Variants in METTL4 observed in about 807,000 individuals in gnomAD.
METTL4 encodes the protein N(6)-adenine-specific methyltransferase METTL4.
Under a neutral mutation model 54.0 loss-of-function variants are expected in METTL4, and 40 were observed. The ratio of observed to expected loss-of-function variants is 0.74; its 90% CI spans 0.58 to 0.96. The LOEUF is 0.96. Among genes scored for constraint, METTL4 ranks in the 50% least tolerant of loss-of-function variants. METTL4 has a pLI of 0.00. For synonymous variants in METTL4, 169 were observed against 183.8 expected, an observed-to-expected ratio of 0.92 and a Z score of 0.65; for missense variants, 525 against 549.0, an observed-to-expected ratio of 0.96 and a Z score of 0.44.
rs930300180 is a variant in METTL4 at position 2,571,345 on chromosome 18, C to T, written c.-635G>A. On this transcript the variant is annotated 5_prime_UTR_variant, in exon 1 of 9. In the 5' UTR this introduces an upstream ATG that the reference lacks. Coordinates refer to ENST00000574538, the MANE Select transcript of METTL4 (RefSeq NM_022840.5). ...CAGGGCGAGTTGAGCGTTCAGGGCA[C>T]TCCTCGGCGCTCAAGCTGCCCACAG... is the stretch of plus-strand genomic sequence containing the variant. 1 of 152,288 alleles carries T rather than the reference C, an allele frequency of 6.6e-6. No individual in the cohort carries two copies. Among genetic ancestry groups the T allele is most frequent in the Non-Finnish European group, 1.5e-5 (1 of 68,082 alleles). 9.4% of individuals were successfully genotyped at this position (152,288 alleles called of 1,614,324 possible).
At chr18:2,544,339 A>T in intron 7 of METTL4, 53 bp from the exon 8 acceptor site, 1 of 1,279,908 alleles carries the variant, frequency 7.8e-7, no homozygotes, top group South Asian at 1.3e-5. Flanking sequence ...AATTTTCTAT[A>T]CATAAGCCAC....
intron 8 of METTL4, among the ~76,000 whole-genome samples, 187 bp downstream of exon 8, chr18:2,544,008 C>T (rs1191424680): frequency 6.6e-6 from 1 of 152,204 alleles, no homozygotes; most frequent in East Asian, 1.9e-4. Flanking sequence ...TAACATAAAA[C>T]TAATCTATTC....
intron 4 of METTL4, chr18:2,553,240 C>G (rs2072189417): frequency 6.6e-6 from 1 of 152,320 alleles, no homozygotes; most frequent in Non-Finnish European, 1.5e-5. Context: ...ATTTAGCTGC[C>G]ATCCCTCCTA....
chr18:2,562,716 T>C (rs975467588), intron 3 of METTL4, among the ~76,000 whole-genome samples: 11 of 150,468 alleles, frequency 7.3e-5, no homozygotes, highest in Non-Finnish European at 1.3e-4. Context: ...ATATCTACCA[T>C]AGGCAAATTC....
chr18:2,566,078 T>G (rs1329627972), intron 2 of METTL4, among the ~76,000 whole-genome samples: 1 of 147,736 alleles, frequency 6.8e-6, no homozygotes, highest in Non-Finnish European at 1.5e-5. Context: ...AATAAATAAA[T>G]AAATAAATAA....
chr18:2,551,171 A>T (rs1392133630), intron 5 of METTL4, among the ~76,000 whole-genome samples: 2 of 151,044 alleles, frequency 1.3e-5, no homozygotes, highest in East Asian at 1.9e-4. Flanking sequence ...CTCAAAAAAA[A>T]AAAAAAAAAA....
rs554768744 is a variant in METTL4, at chr18:2,555,727, T to A, written c.460-689A>T. Among the ~76,000 whole-genome samples, 13 of 152,258 alleles carry A rather than the reference T, an allele frequency of 8.5e-5. No homozygotes were observed. In the South Asian group the frequency reaches 1.2e-3, roughly 15 times the overall value. Reference sequence around the variant, plus strand: ...ACCCAAGTTCCCCTTCTGGACAAGATGGAGTATCATGGATCAGATTTACCC... The same window carrying A: ...ACCCAAGTTCCCCTTCTGGACAAGAAGGAGTATCATGGATCAGATTTACCC... On this transcript the variant is annotated intron_variant, in intron 3 of 8. Coordinates refer to ENST00000574538, the MANE Select transcript of METTL4 (RefSeq NM_022840.5).
chr18:2,545,778 G>A (rs147236787), intron 6 of METTL4, among the ~76,000 whole-genome samples: 65 of 152,050 alleles, frequency 4.3e-4, no homozygotes, highest in African/African-American at 1.4e-3. Flanking sequence ...ATACTGGCAC[G>A]TTGGGTAGTT....
chr18:2,549,978 C>T (rs2072130297), intron 5 of METTL4, among the ~76,000 whole-genome samples: 1 of 151,460 alleles, frequency 6.6e-6, no homozygotes, highest in African/African-American at 2.4e-5. Context: ...TGGGCGACAA[C>T]AGCGAAACTC....
chr18:2,539,329 T>C (rs988562807), intron 8 of METTL4, among the ~76,000 whole-genome samples, 184 bp from the exon 9 acceptor site: 7 of 152,154 alleles, frequency 4.6e-5, no homozygotes, highest in African/African-American at 1.7e-4. Flanking sequence ...ATAAGTACCC[T>C]TGAGACTGGG....
At chr18:2,540,223 T>A in intron 8 of METTL4, 1 of 985,034 alleles carries the variant, frequency 1.0e-6, no homozygotes, top group Non-Finnish European at 1.2e-6. Flanking sequence ...GGATGACAAA[T>A]ACTTAAATCA....
At chr18:2,566,429 A>T (rs879817946) in intron 2 of METTL4, among the ~76,000 whole-genome samples, 62 of 152,330 alleles carry the variant, frequency 4.1e-4, no homozygotes, top group Middle Eastern at 3.4e-3. Flanking sequence ...ACTGCTTAGA[A>T]ATTTTGTAGA....
intron 8 of METTL4, among the ~76,000 whole-genome samples, chr18:2,541,762 GGT>G (rs770206627): frequency 4.0e-5 from 6 of 151,048 alleles, no homozygotes; most frequent in Non-Finnish European, 8.8e-5. Context: ...AAAAAATCAG[GGT>G]GTTTCTAAAT....
At chr18:2,565,113 A>G (rs755315650) in intron 2 of METTL4, among the ~76,000 whole-genome samples, 8 of 152,150 alleles carry the variant, frequency 5.3e-5, no homozygotes, top group Non-Finnish European at 8.8e-5. Flanking sequence ...CAAGGTGTCT[A>G]CTAAAAATAC....
chr18:2,568,884 T>C (rs1258234071), intron 1 of METTL4: 2 of 223,180 alleles, frequency 9.0e-6, no homozygotes, highest in Non-Finnish European at 1.9e-5. Flanking sequence ...AAACTGAATA[T>C]ACAGCTTTAA....
chr18:2,561,660 C>G (rs1474582995), intron 3 of METTL4: 1 of 152,274 alleles, frequency 6.6e-6, no homozygotes, highest in South Asian at 2.1e-4. Flanking sequence ...ATAGTCAAAC[C>G]TCTAAATCTG....
intron 1 of METTL4, among the ~76,000 whole-genome samples, chr18:2,569,586 G>T (rs1051147805): frequency 6.6e-6 from 1 of 151,196 alleles, no homozygotes; most frequent in Non-Finnish European, 1.5e-5. Flanking sequence ...CTGAGTGTGT[G>T]GGCACTCAGT....
rs920208419 is a variant in METTL4, at chr18:2,547,541, C to T, written c.900-12G>A. The T allele has an allele frequency of 1.2e-5, 19 of 1,544,852 alleles. No homozygotes were observed. Among genetic ancestry groups the T allele is most frequent in the South Asian group, 2.4e-5 (2 of 81,670 alleles). On this transcript the variant is annotated splice_polypyrimidine_tract_variant and intron_variant, in intron 5 of 8. Transcript: ENST00000574538. ...ACAAATAACTGTACCTAAAAATAAA[C>T]GGAAAAAAGGATGAGCAAAATTCAC...
At position 2,554,655 on chromosome 18, in the gene METTL4, C is replaced by T. The variant is rs2072210012; in HGVS notation, c.829+14G>A. The T allele has an allele frequency of 5.1e-6, 8 of 1,581,492 alleles. No individual in the cohort carries two copies. The highest frequency in any genetic ancestry group is 2.1e-4 in the Middle Eastern group (1 of 4,780). On this transcript the variant is annotated intron_variant, in intron 4 of 8. Coordinates refer to ENST00000574538, the MANE Select transcript of METTL4 (RefSeq NM_022840.5). Reference sequence around the variant, plus strand: ...AATTATCTTTTTCTAATAACAAACACAATAATTACTTACAGTTTAGAAGTG... The same window carrying T: ...AATTATCTTTTTCTAATAACAAACATAATAATTACTTACAGTTTAGAAGTG...
Sources: allele counts gnomAD v4.1 joint callset (sites outside exome capture counted in the v4.1 genomes callset), GRCh38; gene constraint gnomAD v4.1.1; transcripts MANE v1.5; gene names NCBI Gene and HGNC (gene_info 2026-07-23, HGNC 2026-07-21).